The following UTP18 variants were observed in gnomAD, a reference collection of about 807,000 sequenced individuals.
The protein encoded by UTP18 is U3 small nucleolar RNA-associated protein 18 homolog.
UTP18 carries 36 observed loss-of-function variants against 61.1 expected under a neutral mutation model. The ratio of observed to expected loss-of-function variants is 0.59; its 90% CI spans 0.45 to 0.78. The LOEUF is 0.78. Ranked by LOEUF, UTP18 falls within the 30% of genes least tolerant of loss-of-function variation. The pLI, the probability that UTP18 is intolerant of heterozygous loss-of-function variation, is 0.00. For missense variants in UTP18, 753 were observed against 693.9 expected (o/e 1.09, Z -0.96); for synonymous variants, 282 against 251.1 (o/e 1.12, Z -1.16).
At chr17:51,286,437 A>C (rs1597852310) in intron 10 of UTP18, 1 of 455,556 alleles carries the variant, frequency 2.2e-6, no homozygotes, top group East Asian at 7.0e-5. Context: ...CTTGTTGTCC[A>C]GAAACTTAGC....
chr17:51,276,083 A>G, intron 6 of UTP18, 92 bp downstream of exon 6: 30 of 1,262,058 alleles, frequency 2.4e-5, no homozygotes, highest in Non-Finnish European at 3.2e-5. Flanking sequence ...ATACTGAAAA[A>G]GATATTCATA....
At chr17:51,264,477 A>T (rs1046240833) in intron 2 of UTP18, among the ~76,000 whole-genome samples, 2 of 152,190 alleles carry the variant, frequency 1.3e-5, no homozygotes, top group Non-Finnish European at 2.9e-5. Context: ...ATCAAAGAGC[A>T]CAGTTATTTT....
intron 6 of UTP18, 144 bp from the exon 7 acceptor site, chr17:51,276,986 A>T: frequency 1.3e-6 from 1 of 785,424 alleles, no homozygotes; most frequent in Non-Finnish European, 2.0e-6. Context: ...ATGGTTGATT[A>T]AATCACTGGC....
At chr17:51,290,524 G>A (rs1905214377) in intron 11 of UTP18, among the ~76,000 whole-genome samples, 2 of 152,170 alleles carry the variant, frequency 1.3e-5, no homozygotes, top group South Asian at 4.1e-4. Context: ...TAAATGAGAA[G>A]GTTCTAATTC....
At chr17:51,291,889 C>G (rs1033809399) in intron 11 of UTP18, among the ~76,000 whole-genome samples, 4 of 152,182 alleles carry the variant, frequency 2.6e-5, no homozygotes, top group Non-Finnish European at 4.4e-5. Context: ...GGCCTAGTTT[C>G]ATAGTATCAG....
At chr17:51,275,753 T>A in intron 5 of UTP18, 113 bp from the exon 6 acceptor site, 14 of 911,426 alleles carry the variant, frequency 1.5e-5, no homozygotes, top group Non-Finnish European at 2.0e-5. Context: ...TTGGTTACCA[T>A]TCCAGTGCAT....
chr17:51,275,795 T>G lies in UTP18; in HGVS notation c.712-71T>G, dbSNP rs929945856. The G allele has an allele frequency of 2.8e-6, 4 of 1,421,640 alleles. No individual in the cohort carries two copies. The African/African-American group carries it at 5.9e-5, about 21-fold the overall frequency. 88.1% of individuals were successfully genotyped at this position (1,421,640 alleles called of 1,614,324 possible). A position where few individuals can be genotyped will look rare whatever the true frequency, so the allele number is the denominator to read the frequency against. On this transcript the variant is annotated intron_variant, in intron 5 of 13. Transcript: ENST00000225298. ...CCTTCATTATAAACTGTAATGTCTTTTCTTCTTACTCTAAAGAAAATAATG... is the reference window on the plus strand; with the variant it reads ...CCTTCATTATAAACTGTAATGTCTTGTCTTCTTACTCTAAAGAAAATAATG...
intron 1 of UTP18, 83 bp downstream of exon 1, chr17:51,261,009 G>A (rs2055452712): frequency 4.1e-6 from 5 of 1,233,642 alleles, no homozygotes; most frequent in Admixed American, 4.3e-5. Flanking sequence ...GCGGAGCCTG[G>A]GCGACCTGCG....
chr17:51,260,793 G>C lies in UTP18; in HGVS notation c.209G>C (p.Arg70Thr). 6.3e-7 allele frequency: 1 copy of C among 1,579,780 alleles called. No individual in the cohort carries two copies. The highest frequency in any genetic ancestry group is 1.9e-4 in the Middle Eastern group (1 of 5,390). ...GCAGTCGCGGCGGCGGAGGAAGAGA[G>C]ACGGCTCCGGCAGCGGAACCGCCTG... ...AIAVAAAEEE[R>T]RLRQRNRLRL... is the part of the protein sequence containing the mutation. Residue 70 changes from arginine to threonine, a missense_variant, in exon 1 of 14, where the codon AGA becomes ACA. Physicochemically the swap from Arg to Thr is moderately conservative, Grantham distance 71. Transcript: ENST00000225298.
At chr17:51,268,471 C>T (rs781611657) in intron 3 of UTP18, among the ~76,000 whole-genome samples, 12 of 152,186 alleles carry the variant, frequency 7.9e-5, no homozygotes, top group Non-Finnish European at 1.8e-4. Context: ...TAGACGTGTT[C>T]TAGTGTGTAG....
chr17:51,266,029 G>A (rs1257092105), intron 2 of UTP18, among the ~76,000 whole-genome samples, 153 bp from the exon 3 acceptor site: 1 of 152,134 alleles, frequency 6.6e-6, no homozygotes, highest in Admixed American at 6.5e-5. Context: ...TGTTCTTTTA[G>A]GAAGAACAGA....
rs548591401 is a variant in UTP18 at position 51,279,494 on chromosome 17, T to G, written c.1013-511T>G. ...CATATTGTGAAAAGTTTTGGGGTTT[T>G]TTTTGTTTTTTGTTTTTGTTTTTGA... On this transcript the variant is annotated intron_variant, in intron 7 of 13. Transcript: ENST00000225298. Among the ~76,000 whole-genome samples, 3 of 147,450 alleles carry G rather than the reference T, an allele frequency of 2.0e-5. No individual in the cohort carries two copies. The South Asian group carries it at 6.3e-4, about 31-fold the overall frequency.
intron 3 of UTP18, among the ~76,000 whole-genome samples, chr17:51,266,671 A>G (rs2055564555): frequency 6.6e-6 from 1 of 152,168 alleles, no homozygotes; most frequent in African/African-American, 2.4e-5. Context: ...ATTTGAGAGT[A>G]AGGTACAGAT....
chr17:51,294,208 TA>T (rs1483878522), intron 12 of UTP18, among the ~76,000 whole-genome samples, 163 bp downstream of exon 12: 10 of 152,262 alleles, frequency 6.6e-5, no homozygotes, highest in African/African-American at 1.9e-4. Flanking sequence ...TTTATTTTAT[TA>T]TTATTATACT....
chr17:51,275,161 C>T (rs1904672820), intron 5 of UTP18, among the ~76,000 whole-genome samples: 1 of 150,972 alleles, frequency 6.6e-6, no homozygotes, highest in African/African-American at 2.4e-5. Context: ...TACGCCATTG[C>T]CCTCCAGCCT....
intron 6 of UTP18, 67 bp from the exon 7 acceptor site, chr17:51,277,063 A>G: frequency 1.3e-6 from 2 of 1,500,338 alleles, no homozygotes; most frequent in South Asian, 2.5e-5. Flanking sequence ...TGTAGTGAAA[A>G]GTATATACTA....
intron 1 of UTP18, 147 bp downstream of exon 1, chr17:51,261,073 C>T (rs1598469624): frequency 2.9e-6 from 2 of 695,640 alleles, no homozygotes; most frequent in East Asian, 7.5e-5. Context: ...CGCGGAGGGT[C>T]GCAGCTGCGG....
chr17:51,283,777 G>A (rs756977548), intron 9 of UTP18, among the ~76,000 whole-genome samples: 1 of 152,048 alleles, frequency 6.6e-6, no homozygotes, highest in Non-Finnish European at 1.5e-5. Context: ...ACCACGCCCA[G>A]CTAATTTTTG....
chr17:51,279,737 T>A (rs751857144), intron 7 of UTP18, among the ~76,000 whole-genome samples: 1 of 152,208 alleles, frequency 6.6e-6, no homozygotes, highest in Non-Finnish European at 1.5e-5. Flanking sequence ...GTTTACTGTT[T>A]GGAGAGCTGA....
Sources: allele counts gnomAD v4.1 joint callset (sites outside exome capture counted in the v4.1 genomes callset), GRCh38; gene constraint gnomAD v4.1.1; transcripts MANE v1.5; gene names NCBI Gene and HGNC (gene_info 2026-07-23, HGNC 2026-07-21).